DNAH3: variants seen among roughly 807,000 people sequenced by gnomAD.
The protein encoded by DNAH3 is dynein axonemal heavy chain 3.
Under a neutral mutation model 432.5 loss-of-function variants are expected in DNAH3, and 332 were observed. The ratio of observed to expected loss-of-function variants is 0.77; its 90% confidence interval spans 0.70 to 0.84. The LOEUF (loss-of-function observed/expected upper bound fraction) is 0.84, where lower values mean the gene tolerates loss of function less well. Among genes scored for constraint, DNAH3 ranks in the 40% least tolerant of loss-of-function variants. DNAH3 has a pLI of 0.00. For synonymous variants in DNAH3, 1,956 were observed against 1,900.2 expected (o/e 1.03, Z -0.76); for missense variants, 4,861 against 5,114.0 (o/e 0.95, Z 1.51).
At chr16:20,980,375 T>G (rs995046583) in intron 49 of DNAH3, among the ~76,000 whole-genome samples, 30 of 145,698 alleles carry the variant, frequency 2.1e-4, no homozygotes, top group African/African-American at 5.6e-4. Flanking sequence ...TATATATATG[T>G]GGGGGGGGAG....
At chr16:21,054,770 A>G (rs2090076299) in intron 27 of DNAH3, among the ~76,000 whole-genome samples, 1 of 152,178 alleles carries the variant, frequency 6.6e-6, no homozygotes. Flanking sequence ...TTTTTATAGT[A>G]TTGTGGAAAA....
At chr16:21,090,515 G>A (rs2091501196) in intron 18 of DNAH3, among the ~76,000 whole-genome samples, 1 of 152,148 alleles carries the variant, frequency 6.6e-6, no homozygotes, top group African/African-American at 2.4e-5. Flanking sequence ...TGGAGTGCAA[G>A]GCTGGTTTAA....
intron 49 of DNAH3, among the ~76,000 whole-genome samples, chr16:20,980,464 C>T (rs1176867658): frequency 1.3e-5 from 2 of 150,822 alleles, no homozygotes; most frequent in African/African-American, 4.9e-5. Context: ...CCTTAACCTC[C>T]CTGGCTCAAG....
exon 15 of DNAH3, chr16:21,106,645 T>C: frequency 6.2e-7 from 1 of 1,603,800 alleles, no homozygotes. Context: ...ACTGACTTTG[T>C]CTGCGATGTG....
At chr16:21,067,090 G>A (rs1402722741) in intron 24 of DNAH3, among the ~76,000 whole-genome samples, 193 bp downstream of exon 24, 1 of 152,184 alleles carries the variant, frequency 6.6e-6, no homozygotes, top group African/African-American at 2.4e-5. Flanking sequence ...GACACCCATT[G>A]CTGTCCATTC....
At chr16:20,948,737 G>T in intron 56 of DNAH3, 100 bp from the exon 57 acceptor site, 1 of 1,334,392 alleles carries the variant, frequency 7.5e-7, no homozygotes, top group Non-Finnish European at 1.0e-6. Context: ...AAAGATCTCT[G>T]CTGGGACATA....
chr16:21,089,489 AAAG>A (rs1306559768), intron 18 of DNAH3, among the ~76,000 whole-genome samples: 1 of 152,236 alleles, frequency 6.6e-6, no homozygotes, highest in Non-Finnish European at 1.5e-5. Flanking sequence ...AATAAATTGA[AAAG>A]AAGTAAAATC....
chr16:21,082,447 G>T lies in DNAH3; in HGVS notation c.2878-720C>A, dbSNP rs553539664. Among the ~76,000 whole-genome samples the T allele has an allele frequency of 2.6e-5, 4 of 152,126 alleles. No individual in the cohort carries two copies. The South Asian group carries it at 8.3e-4, about 32-fold the overall frequency. On this transcript the variant is annotated intron_variant, in intron 19 of 61. Transcript: ENST00000261383. The stretch of plus-strand genomic sequence containing the variant: ...GAACTCCTATACTCAAGCAATCCTC[G>T]CACCTTGATCTCCCAAAAATGCTGG...
chr16:21,002,104 T>C (rs545989097), intron 42 of DNAH3, among the ~76,000 whole-genome samples: 12 of 152,222 alleles, frequency 7.9e-5, no homozygotes, highest in Non-Finnish European at 1.3e-4. Context: ...TCCTTACACA[T>C]ACAGCTGTGG....
At chr16:21,108,615 C>T (rs2091999995) in intron 14 of DNAH3, among the ~76,000 whole-genome samples, 1 of 152,086 alleles carries the variant, frequency 6.6e-6, no homozygotes, top group Admixed American at 6.6e-5. Context: ...TATTGGTGAG[C>T]ATCTGTAGAC....
chr16:21,085,427 C>T (rs949879407), intron 19 of DNAH3, among the ~76,000 whole-genome samples: 15 of 150,920 alleles, frequency 9.9e-5, no homozygotes, highest in African/African-American at 3.4e-4. Flanking sequence ...GCCTGCAATC[C>T]CAGCTACTCA....
At position 21,121,847 on chromosome 16, in the gene DNAH3, T is replaced by C. The variant is rs2092349726; in HGVS notation, c.1584+98A>G. ...ATCTCCAAAGTGAAGCTCCCTTAAC[T>C]GAATATCCCAGCGACCTGACTTGTA... On this transcript the variant is annotated intron_variant, in intron 10 of 61. Coordinates refer to ENST00000261383, the Ensembl canonical transcript of DNAH3. The C allele has an allele frequency of 5.8e-6, 6 of 1,030,360 alleles. No homozygotes were observed. In the South Asian group the frequency reaches 7.3e-5, roughly 13 times the overall value. 63.8% of individuals were successfully genotyped at this position (1,030,360 alleles called of 1,614,324 possible). A position where few individuals can be genotyped will look rare whatever the true frequency, so the allele number is the denominator to read the frequency against.
chr16:21,029,757 A>G (rs1381680401), intron 37 of DNAH3, among the ~76,000 whole-genome samples: 2 of 152,234 alleles, frequency 1.3e-5, no homozygotes, highest in Admixed American at 6.5e-5. Flanking sequence ...TCCTGGCATC[A>G]GTTTGGACTC....
Position 21,019,620 on chromosome 16 carries a change from T to C in DNAH3, c.6022+4A>G, listed in dbSNP as rs2088048646. 6.2e-7 allele frequency: 1 copy of C among 1,614,006 alleles called. No homozygotes were observed. Among genetic ancestry groups the C allele is most frequent in the South Asian group, 1.1e-5 (1 of 91,076 alleles). On this transcript the variant is annotated splice_donor_region_variant and intron_variant, in intron 41 of 61. Transcript: ENST00000261383. ...TAGAACATAACAAACAGGTTCTAAATTACCTCTTTCTGGAAAGATGTTGTT... is the reference window on the plus strand; with the variant it reads ...TAGAACATAACAAACAGGTTCTAAACTACCTCTTTCTGGAAAGATGTTGTT...
At chr16:21,117,215 A>T (rs1370752546) in exon 12 of DNAH3, 1 of 1,602,086 alleles carries the variant, frequency 6.2e-7, no homozygotes, top group Admixed American at 1.8e-5. Context: ...GCAGGGGCCA[A>T]CTTGATTTTT....
At chr16:21,010,252 G>C (rs2087526398) in intron 41 of DNAH3, among the ~76,000 whole-genome samples, 1 of 152,106 alleles carries the variant, frequency 6.6e-6, no homozygotes, top group Non-Finnish European at 1.5e-5. Context: ...TCTGGTCTGG[G>C]TGTGAGAGTA....
At chr16:21,140,674 G>T (rs145156770) in exon 5 of DNAH3, 4 of 1,613,962 alleles carry the variant, frequency 2.5e-6, no homozygotes, top group Non-Finnish European at 3.4e-6. Context: ...CCTTCTTCAT[G>T]GGTGAGAAGA....
intron 5 of DNAH3, among the ~76,000 whole-genome samples, chr16:21,139,319 G>GTT (rs2092686839): frequency 9.2e-5 from 3 of 32,774 alleles, no homozygotes; most frequent in African/African-American, 5.5e-4. Flanking sequence ...CTTTCCTCAT[G>GTT]CTTTTTTTTT....
chr16:21,144,344 C>A (rs766328254), intron 3 of DNAH3, among the ~76,000 whole-genome samples: 35 of 152,170 alleles, frequency 2.3e-4, no homozygotes, highest in Non-Finnish European at 1.5e-5. Context: ...TTCTCTCCCC[C>A]TCCCTCGCTC....
Sources: gnomAD v4.1 joint callset for allele counts (sites outside exome capture counted in the v4.1 genomes callset) on GRCh38, gnomAD v4.1.1 for gene constraint, MANE v1.5 for transcripts, NCBI Gene and HGNC (gene_info 2026-07-23, HGNC 2026-07-21) for gene names.